NAA40: variants seen among roughly 807,000 people sequenced by gnomAD.
The protein encoded by NAA40 is N-alpha-acetyltransferase 40.
Under a neutral mutation model 36.6 loss-of-function variants are expected in NAA40, and 26 were observed. That is an observed-to-expected ratio of 0.71 (90% CI 0.52 to 0.98). The LOEUF (loss-of-function observed/expected upper bound fraction) is 0.98. Among genes scored for constraint, NAA40 ranks in the 50% least tolerant of loss-of-function variants. The pLI, the probability that NAA40 is intolerant of heterozygous loss-of-function variation, is 0.00. For missense variants in NAA40, 237 were observed against 306.5 expected (o/e 0.77, Z 1.69); for synonymous variants, 129 against 108.4 (o/e 1.19, Z -1.18).
chr11:63,955,617 C>G lies in NAA40; in HGVS notation c.*1138C>G, dbSNP rs548864766. On this transcript the variant is annotated 3_prime_UTR_variant, in exon 8 of 8. Coordinates refer to ENST00000377793, the MANE Select transcript of NAA40 (RefSeq NM_024771.4). The stretch of plus-strand genomic sequence containing the variant: ...CACTAGTGCCACTGCCGTGGCCCAG[C>G]CGGGCCATAGCTCAGGCTGCAGCAG... 2 of 152,792 alleles carry G rather than the reference C, an allele frequency of 1.3e-5. No individual in the cohort carries two copies. The highest frequency in any genetic ancestry group is 1.9e-4 in the East Asian group (1 of 5,176). 9.5% of individuals were successfully genotyped at this position (152,792 alleles called of 1,614,324 possible).
chr11:63,953,950 C>T (rs371589292), intron 6 of NAA40, 22 bp from the exon 7 acceptor site: 28 of 1,608,538 alleles, frequency 1.7e-5, no homozygotes, highest in African/African-American at 5.3e-5. Context: ...TTCTAAAAGG[C>T]GTTTGCTCTG....
chr11:63,947,117 A>G (rs114139222), intron 3 of NAA40, 114 bp downstream of exon 3: 6 of 1,172,868 alleles, frequency 5.1e-6, no homozygotes, highest in South Asian at 1.3e-5. Context: ...GTATTTACGA[A>G]AAAACAGGGC....
chr11:63,954,523 C>CT lies in NAA40; in HGVS notation c.*47dup. 3 of 1,538,356 alleles carry CT rather than the reference C, an allele frequency of 2.0e-6. No homozygotes were observed. The highest frequency in any genetic ancestry group is 2.6e-6 in the Non-Finnish European group (3 of 1,142,800). On this transcript the variant is annotated 3_prime_UTR_variant, in exon 8 of 8. Transcript: ENST00000377793. ...AAGTCACAATGCTCTCTCCTAAGGC[C>CT]TTTCCTCTTTCCTGGTCTCACTGTT... is the stretch of plus-strand genomic sequence containing the variant.
intron 7 of NAA40, 90 bp downstream of exon 7, chr11:63,954,139 T>A (rs980132596): frequency 6.2e-5 from 90 of 1,446,880 alleles, no homozygotes; most frequent in Non-Finnish European, 7.5e-5. Flanking sequence ...TTCTGATGCC[T>A]GAGCTCATGG....
intron 1 of NAA40, among the ~76,000 whole-genome samples, chr11:63,944,705 C>T (rs1164788535): frequency 2.0e-5 from 3 of 152,016 alleles, no homozygotes; most frequent in African/African-American, 7.3e-5. Flanking sequence ...GAGTTAGTGA[C>T]CAGCCTGGCC....
Position 63,952,460 on chromosome 11 carries a change from C to T in NAA40, c.305C>T (p.Thr102Ile), listed in dbSNP as rs1942295808. Residue 102 changes from threonine to isoleucine, a missense_variant, in exon 5 of 8, where the codon ACA (threonine) becomes ATA (isoleucine). Transcript: ENST00000377793. ...WKDREKREEM[T>I]DDRAWYLIAW... Reference sequence around the variant, plus strand: ...GACCGAGAGAAACGGGAGGAAATGACAGATGACCGAGCCTGGTACCTCATC... The same window carrying T: ...GACCGAGAGAAACGGGAGGAAATGATAGATGACCGAGCCTGGTACCTCATC... 6.2e-7 allele frequency: 1 copy of T among 1,614,184 alleles called. No individual in the cohort carries two copies. Among genetic ancestry groups the T allele is most frequent in the Non-Finnish European group, 8.5e-7 (1 of 1,180,032 alleles).
intron 7 of NAA40, 24 bp from the exon 8 acceptor site, chr11:63,954,314 C>A: frequency 6.4e-7 from 1 of 1,566,546 alleles, no homozygotes; most frequent in South Asian, 1.2e-5. Context: ...TGCCACCAAC[C>A]CTTTTCTCCT....
intron 3 of NAA40, among the ~76,000 whole-genome samples, chr11:63,950,828 A>G (rs1359983824): frequency 6.6e-6 from 1 of 152,212 alleles, no homozygotes; most frequent in African/African-American, 2.4e-5. Context: ...CAAAACAGGC[A>G]TTGCCAGCCA....
At chr11:63,947,330 C>T (rs1011853500) in intron 3 of NAA40, among the ~76,000 whole-genome samples, 17 of 152,066 alleles carry the variant, frequency 1.1e-4, no homozygotes, top group Non-Finnish European at 2.9e-5. Context: ...TCACTTGAAC[C>T]CGGGGGGCAG....
Position 63,952,759 on chromosome 11 carries a change from T to C in NAA40, c.414T>C (p.Tyr138=), listed in dbSNP as rs140816342. The C allele has an allele frequency of 1.1e-5, 17 of 1,614,144 alleles. No homozygotes were observed. The highest frequency in any genetic ancestry group is 1.7e-5 in the Admixed American group (1 of 60,028). Residue 138 remains tyrosine, a synonymous_variant, in exon 6 of 8, where the codon TAT becomes TAC. Coordinates refer to ENST00000377793, the MANE Select transcript of NAA40 (RefSeq NM_024771.4). The part of the protein sequence containing the change: ...VECGDEVLYC[Y]EVQLESKVRR... Reference sequence around the variant, plus strand: ...CCTCTCTGCTTTCTTCACCTAGCTATGAAGTGCAGTTGGAAAGCAAGGTGC... The same window carrying C: ...CCTCTCTGCTTTCTTCACCTAGCTACGAAGTGCAGTTGGAAAGCAAGGTGC...
At chr11:63,949,630 G>A (rs1251926654) in intron 3 of NAA40, among the ~76,000 whole-genome samples, 1 of 151,998 alleles carries the variant, frequency 6.6e-6, no homozygotes, top group Non-Finnish European at 1.5e-5. Flanking sequence ...GGGCTCTGGG[G>A]GATTGAATTG....
rs1278673521 is a variant in NAA40 at position 63,957,212 on chromosome 11, A to ATATT, written c.*2734_*2735insATTT. 3.1e-5 allele frequency: 2 copies of ATATT among 64,300 alleles called. No individual in the cohort carries two copies. Among genetic ancestry groups the ATATT allele is most frequent in the African/African-American group, 8.4e-5 (2 of 23,942 alleles). The allele number at this position is 64,300 out of a possible 1,614,324, so 4.0% of individuals were successfully genotyped here. On this transcript the variant is annotated 3_prime_UTR_variant, in exon 8 of 8. Coordinates refer to ENST00000377793, the MANE Select transcript of NAA40 (RefSeq NM_024771.4). ...CCTTGATATATATATATATATATAT[A>ATATT]TTTTTTTTTTTCTTTAGCAGCTTGT...
intron 1 of NAA40, among the ~76,000 whole-genome samples, chr11:63,943,011 G>A (rs1942131488): frequency 6.6e-6 from 1 of 152,132 alleles, no homozygotes; most frequent in South Asian, 2.1e-4. Context: ...CGTTACCCTT[G>A]CCCTCCAGCA....
intron 1 of NAA40, among the ~76,000 whole-genome samples, chr11:63,940,223 G>A (rs986434939): frequency 6.6e-6 from 1 of 151,844 alleles, no homozygotes; most frequent in African/African-American, 2.4e-5. Context: ...GCTCATTTTT[G>A]TATTTTTAGT....
rs1161672202 is a variant in NAA40 at position 63,939,074 on chromosome 11, A to G, written c.-23A>G. ...CCTGCCGGCAAGTGTGTGAAGAAGAAGCTGAGCGTTGTCGCCGCCGCTATG... is the reference window on the plus strand; with the variant it reads ...CCTGCCGGCAAGTGTGTGAAGAAGAGGCTGAGCGTTGTCGCCGCCGCTATG... On this transcript the variant is annotated 5_prime_UTR_variant, in exon 1 of 8. Transcript: ENST00000377793. 1.2e-6 allele frequency: 2 copies of G among 1,604,172 alleles called. No individual in the cohort carries two copies.
intron 1 of NAA40, among the ~76,000 whole-genome samples, chr11:63,939,742 T>TA (rs1224301750): frequency 6.6e-6 from 1 of 152,158 alleles, no homozygotes; most frequent in African/African-American, 2.4e-5. Context: ...AAATGGTTCT[T>TA]ACGACCGCTT....
In NAA40 at chr11:63,955,698, C is replaced by G. The variant is rs1942353413; in HGVS notation, c.*1219C>G. On this transcript the variant is annotated 3_prime_UTR_variant, in exon 8 of 8. Transcript: ENST00000377793. Reference sequence around the variant, plus strand: ...TCTCTCTGGTGTCACCCTGTGGCAACAGGCTGGAGCAGGGGAAGGAGAAAG... The same window carrying G: ...TCTCTCTGGTGTCACCCTGTGGCAAGAGGCTGGAGCAGGGGAAGGAGAAAG... 1 of 152,360 alleles carries G rather than the reference C, an allele frequency of 6.6e-6. No individual in the cohort carries two copies. The highest frequency in any genetic ancestry group is 1.5e-5 in the Non-Finnish European group (1 of 68,076). The allele number at this position is 152,360 out of a possible 1,614,324, so 9.4% of individuals were successfully genotyped here. A position where few individuals can be genotyped will look rare whatever the true frequency, so the allele number is the denominator to read the frequency against.
rs1260965427 is a variant in NAA40 at position 63,950,122 on chromosome 11, G to T, written c.156-2116G>T. ...TAGCAGCTGGTATGAGGTTTTTTTT[G>T]TTTTTTTTTTTTTTTGAGACAGAGT... is the stretch of plus-strand genomic sequence containing the variant. On this transcript the variant is annotated intron_variant, in intron 3 of 7. Coordinates refer to ENST00000377793, the MANE Select transcript of NAA40 (RefSeq NM_024771.4). Among the ~76,000 whole-genome samples the T allele has an allele frequency of 6.3e-3, 819 of 129,242 alleles. 4 individuals are homozygous for T. Among genetic ancestry groups the T allele is most frequent in the Admixed American group, 0.011 (138 of 12,506 alleles). The allele number at this position is 129,242 out of a possible 152,430, so 84.8% of individuals were successfully genotyped here.
At chr11:63,940,040 CTTTTTTTTTTTT>C (rs10618202) in intron 1 of NAA40, among the ~76,000 whole-genome samples, 10 of 77,800 alleles carry the variant, frequency 1.3e-4, no homozygotes, top group East Asian at 4.4e-4. Flanking sequence ...TGGCTGTATT[CTTTTTTTTTTTT>C]TTTTTTTTTT....
Sources: gnomAD v4.1 joint callset for allele counts (sites outside exome capture counted in the v4.1 genomes callset) on GRCh38, gnomAD v4.1.1 for gene constraint, MANE v1.5 for transcripts, NCBI Gene and HGNC (gene_info 2026-07-23, HGNC 2026-07-21) for gene names.